ZNF469: variants seen among roughly 807,000 people sequenced by gnomAD.
ZNF469 encodes the protein zinc finger protein 469.
A neutral mutation model predicts 1.0 loss-of-function variants in ZNF469; 1 was observed. The ratio of observed to expected loss-of-function variants is 1.00; its 90% CI spans 0.35 to 4.73. The LOEUF is 4.73. Among genes scored for constraint, ZNF469 ranks in the 30% most tolerant of loss-of-function variants. The pLI is 0.16. For missense variants in ZNF469, 6,100 were observed against 5,356.3 expected, an observed-to-expected ratio of 1.14 and a Z score of -4.33; for synonymous variants, 2,703 against 2,363.4, an observed-to-expected ratio of 1.14 and a Z score of -4.17.
At chr16:88,269,386 C>G in the ZNF469 span, among the ~76,000 whole-genome samples, 3 of 151,984 alleles carry the variant, frequency 2.0e-5, no homozygotes, top group Admixed American at 1.3e-4. Flanking sequence ...TGCACCCTGG[C>G]GGCCGGGCCT....
the ZNF469 span, among the ~76,000 whole-genome samples, chr16:88,209,545 C>A: frequency 6.6e-6 from 1 of 152,182 alleles, no homozygotes; most frequent in Non-Finnish European, 1.5e-5. Flanking sequence ...CCCACCTCGG[C>A]CTCCCAAAGT....
chr16:88,438,302 C>G lies in ZNF469; in HGVS notation c.10832C>G (p.Ala3611Gly), dbSNP rs778889305. ...CGGCCGGGAGCCAGAGGCCAAGATG[C>G]GGAGGGAAAGAGGGCTCCTCTCGTG... is the stretch of plus-strand genomic sequence containing the variant. ...LPRPGARGQD[A>G]EGKRAPLVFS... The change falls in exon 3 of 3, where the codon GCG (alanine) becomes GGG (glycine). Residue 3611 changes from alanine to glycine, a missense_variant. By Grantham distance (60) the Ala-to-Gly change is moderately conservative. Transcript: ENST00000565624. The G allele has an allele frequency of 6.5e-7, 1 of 1,548,860 alleles. No individual in the cohort carries two copies. The highest frequency in any genetic ancestry group is 1.4e-5 in the African/African-American group (1 of 73,030).
intron 1 of ZNF469, among the ~76,000 whole-genome samples, chr16:88,420,071 G>A (rs1905412091): frequency 6.6e-6 from 1 of 152,200 alleles, no homozygotes; most frequent in Non-Finnish European, 1.5e-5. Context: ...GGGGCCACAC[G>A]CAGGTTCCAT....
upstream of ZNF469, among the ~76,000 whole-genome samples, chr16:88,382,261 G>A (rs768268307): frequency 1.3e-5 from 2 of 152,246 alleles, no homozygotes; most frequent in East Asian, 1.9e-4. Context: ...CCGCCGTGTG[G>A]CCTTGGGCAG....
chr16:88,244,365 A>G, the ZNF469 span, among the ~76,000 whole-genome samples: 1 of 146,096 alleles, frequency 6.8e-6, no homozygotes, highest in Admixed American at 6.8e-5. Context: ...GGGTGGATGG[A>G]TGGATGGGTG....
chr16:88,389,721 G>A (rs1453433110), intron 1 of ZNF469, among the ~76,000 whole-genome samples: 1 of 152,194 alleles, frequency 6.6e-6, no homozygotes, highest in Admixed American at 6.5e-5. Flanking sequence ...ATTCAAACTG[G>A]GAATGGGGCT....
intron 1 of ZNF469, among the ~76,000 whole-genome samples, chr16:88,406,532 G>C (rs745745366): frequency 7.9e-5 from 12 of 152,212 alleles, no homozygotes; most frequent in Non-Finnish European, 1.8e-4. Flanking sequence ...TTATCGGAAG[G>C]ACCCGTGCTT....
At chr16:88,221,062 A>C in the ZNF469 span, among the ~76,000 whole-genome samples, 1 of 152,112 alleles carries the variant, frequency 6.6e-6, no homozygotes. Flanking sequence ...TCAGGGACCC[A>C]GTTCAAGCCA....
chr16:88,436,736 G>A lies in ZNF469; in HGVS notation c.9266G>A (p.Ser3089Asn). The A allele has an allele frequency of 6.5e-7, 1 of 1,548,672 alleles. No homozygotes were observed. Among genetic ancestry groups the A allele is most frequent in the Non-Finnish European group, 8.7e-7 (1 of 1,146,272 alleles). The change falls in exon 3 of 3, where the codon AGC (serine) becomes AAC (asparagine). Residue 3089 changes from serine (S) to asparagine (N), a missense_variant. By Grantham distance (46) the Ser-to-Asn change is conservative. Transcript: ENST00000565624. ...ACGGCGAGCTCACAGGGGCCACAGA[G>A]CCGAAGGACAGAGGAGGCTGCAGGG... is the stretch of plus-strand genomic sequence containing the variant. ...EGTASSQGPQ[S>N]RRTEEAAGAG...
chr16:88,396,326 C>G (rs1010345000), intron 1 of ZNF469, among the ~76,000 whole-genome samples: 1 of 152,248 alleles, frequency 6.6e-6, no homozygotes, highest in African/African-American at 2.4e-5. Context: ...GCTCCAAACT[C>G]AAGAGACCCT....
the ZNF469 span, among the ~76,000 whole-genome samples, chr16:88,375,994 C>G: frequency 6.6e-6 from 1 of 152,212 alleles, no homozygotes; most frequent in South Asian, 2.1e-4. Context: ...ACATTTTTTT[C>G]TAGAAGAATG....
At chr16:88,163,809 A>C in the ZNF469 span, among the ~76,000 whole-genome samples, 6,114 of 150,888 alleles carry the variant, frequency 0.041, 413 homozygotes, top group African/African-American at 0.14. Flanking sequence ...TGATGAGTGG[A>C]TGGGTGGCTG....
At chr16:88,299,868 C>T in the ZNF469 span, among the ~76,000 whole-genome samples, 1 of 152,190 alleles carries the variant, frequency 6.6e-6, no homozygotes, top group African/African-American at 2.4e-5. Flanking sequence ...TGGAGTTTCC[C>T]TCTGAGGCCA....
the ZNF469 span, among the ~76,000 whole-genome samples, chr16:88,361,082 C>T: frequency 0.014 from 2,204 of 152,248 alleles, 66 homozygotes; most frequent in East Asian, 0.075. Flanking sequence ...GTGGTCCTAT[C>T]TAGTGGTTAT....
the ZNF469 span, among the ~76,000 whole-genome samples, chr16:88,259,810 G>A: frequency 6.6e-6 from 1 of 152,286 alleles, no homozygotes; most frequent in South Asian, 2.1e-4. The surrounding 1 kb of genome is among the most constrained non-coding windows in gnomAD (Gnocchi z 4.1). Context: ...ACCCTGGGGT[G>A]GGGGGCTGCA....
the ZNF469 span, among the ~76,000 whole-genome samples, chr16:88,227,577 C>T: frequency 2.0e-5 from 3 of 148,260 alleles, no homozygotes; most frequent in Non-Finnish European, 4.5e-5. Flanking sequence ...CGGCCTGGCC[C>T]CCCCCTTCTC....
chr16:88,322,403 G>A, the ZNF469 span, among the ~76,000 whole-genome samples: 3 of 152,244 alleles, frequency 2.0e-5, no homozygotes, highest in Non-Finnish European at 4.4e-5. Flanking sequence ...TCGCGGTCTC[G>A]GGAGCCCCGC....
Position 88,388,877 on chromosome 16 carries a change from G to A in ZNF469, c.-192+5623G>A, listed in dbSNP as rs1283012678. Among the ~76,000 whole-genome samples the A allele has an allele frequency of 2.6e-5, 4 of 152,188 alleles. No homozygotes were observed. In the East Asian group the frequency reaches 5.8e-4, roughly 22 times the overall value. ...GGAGGAAGCTGCCCCATCTGTAGAA[G>A]CTGGGGAGCTGGGTGCCAGGGCCAG... On this transcript the variant is annotated intron_variant, in intron 1 of 2. Coordinates refer to ENST00000565624, the MANE Select transcript of ZNF469 (RefSeq NM_001367624.2).
chr16:88,307,165 G>GGT, the ZNF469 span, among the ~76,000 whole-genome samples: 2 of 152,204 alleles, frequency 1.3e-5, no homozygotes, highest in Non-Finnish European at 2.9e-5. Flanking sequence ...CCCACACTGG[G>GGT]GTGTGTGTCA....
Sources: allele counts gnomAD v4.1 joint callset (sites outside exome capture counted in the v4.1 genomes callset), GRCh38; gene constraint gnomAD v4.1.1; non-coding constraint Gnocchi (gnomAD v3.1); transcripts MANE v1.5; gene names NCBI Gene and HGNC (gene_info 2026-07-23, HGNC 2026-07-21).